The following PET100 variants were observed in gnomAD, a reference collection of about 807,000 sequenced individuals.
PET100 encodes the protein PET100 cytochrome c oxidase chaperone.
PET100 carries 13 observed loss-of-function variants against 13.6 expected under a neutral mutation model. The ratio of observed to expected loss-of-function variants is 0.96; its 90% CI spans 0.62 to 1.52. PET100 has a LOEUF of 1.52. Ranked by LOEUF, PET100 falls within the 40% of genes most tolerant of loss-of-function variation. The pLI is 0.00. For synonymous variants in PET100, 28 were observed against 30.8 expected (o/e 0.91, Z 0.30); for missense variants, 94 against 95.3 (o/e 0.99, Z 0.06).
chr19:7,631,023 A>G, intron 3 of PET100, 177 bp downstream of exon 3: 1 of 832,892 alleles, frequency 1.2e-6, no homozygotes, highest in East Asian at 2.7e-5. Context: ...AGCCTGGCCA[A>G]CATGGCGAAA....
At chr19:7,630,319 CGTCTGTGTGTCT>C in intron 1 of PET100, 2 of 545,948 alleles carry the variant, frequency 3.7e-6, no homozygotes, top group Non-Finnish European at 3.3e-6. Flanking sequence ...GTAGCTGGGG[CGTCTGTGTGTCT>C]GTCTGTGTTT....
chr19:7,630,464 C>G (rs1335006066), intron 1 of PET100, 109 bp from the exon 2 acceptor site: 1 of 855,048 alleles, frequency 1.2e-6, no homozygotes. Context: ...TTGGGTCGGC[C>G]GTAACGAGGC....
At chr19:7,630,009 C>T in intron 1 of PET100, 149 bp downstream of exon 1, 1 of 1,023,922 alleles carries the variant, frequency 9.8e-7, no homozygotes, top group Non-Finnish European at 1.3e-6. Context: ...GGTTGGAAAT[C>T]CAGGAGAGGG....
At chr19:7,630,092 G>C in intron 1 of PET100, 1 of 524,008 alleles carries the variant, frequency 1.9e-6, no homozygotes, top group South Asian at 2.8e-5. Context: ...GTCCGAGGAA[G>C]GACCTCAGAG....
intron 3 of PET100, 167 bp downstream of exon 3, chr19:7,631,013 A>G (rs1446084071): frequency 1.1e-6 from 1 of 910,892 alleles, no homozygotes; most frequent in Non-Finnish European, 1.7e-6. Flanking sequence ...GTTCAAAACC[A>G]GCCTGGCCAA....
At chr19:7,630,537 G>C (rs560064781) in intron 1 of PET100, 36 bp from the exon 2 acceptor site, 14 of 1,481,518 alleles carry the variant, frequency 9.4e-6, no homozygotes, top group East Asian at 4.9e-5. Flanking sequence ...ACATTGCTTG[G>C]GGGGAGCTCA....
rs750662323 is a variant in PET100, at chr19:7,631,662, G to A, written c.*106G>A. The A allele has an allele frequency of 1.5e-5, 22 of 1,467,082 alleles. No individual in the cohort carries two copies. Among genetic ancestry groups the A allele is most frequent in the Admixed American group, 4.5e-5 (2 of 44,544 alleles). The allele number at this position is 1,467,082 out of a possible 1,614,324, so 90.9% of individuals were successfully genotyped here. A position where few individuals can be genotyped will look rare whatever the true frequency, so the allele number is the denominator to read the frequency against. ...ATTCTTTTATCAGTTTTTGGGGGCC[G>A]AGTGAGACCCAGGATGCCTCAGGCC... is the stretch of plus-strand genomic sequence containing the variant. On this transcript the variant is annotated 3_prime_UTR_variant, in exon 4 of 4. Coordinates refer to ENST00000594797, the MANE Select transcript of PET100 (RefSeq NM_001171155.2).
At chr19:7,631,391 G>T in intron 3 of PET100, 82 bp from the exon 4 acceptor site, 1 of 1,277,244 alleles carries the variant, frequency 7.8e-7, no homozygotes, top group Non-Finnish European at 1.1e-6. Flanking sequence ...GGTGGTGGGA[G>T]AGGTGGGCGG....
rs960350860 is a variant in PET100, at chr19:7,631,936, A to G, written c.*380A>G. ...TCATTGTGAGCACTGGTCTATGTTTACCCTCAATATCTGCCATTTAGGGTG... is the reference window on the plus strand; with the variant it reads ...TCATTGTGAGCACTGGTCTATGTTTGCCCTCAATATCTGCCATTTAGGGTG... On this transcript the variant is annotated 3_prime_UTR_variant, in exon 4 of 4. Transcript: ENST00000594797. The G allele has an allele frequency of 1.0e-6, 1 of 967,684 alleles. No homozygotes were observed. The highest frequency in any genetic ancestry group is 1.4e-6 in the Non-Finnish European group (1 of 714,116). 59.9% of individuals were successfully genotyped at this position (967,684 alleles called of 1,614,324 possible).
In PET100 at chr19:7,630,649, T is replaced by C; in HGVS notation, c.104T>C (p.Ile35Thr). 6.5e-7 allele frequency: 1 copy of C among 1,537,154 alleles called. No homozygotes were observed. ...GCCGAGTGGTTTGAGGACGATGTCA[T>C]ACAGCGCAAGGTGGGCATAAGAGGA... Reference protein sequence around the residue: ...NQAEWFEDDVIQRKRELWPPE... With the variant: ...NQAEWFEDDVTQRKRELWPPE... Residue 35 changes from isoleucine to threonine, a missense_variant, in exon 2 of 4, where the codon ATA becomes ACA. By Grantham distance (89) the Ile-to-Thr change is moderately conservative. Coordinates refer to ENST00000594797, the MANE Select transcript of PET100 (RefSeq NM_001171155.2).
At chr19:7,630,691 T>G in intron 2 of PET100, 32 bp downstream of exon 2, 2 of 1,533,650 alleles carry the variant, frequency 1.3e-6, no homozygotes, top group Non-Finnish European at 1.7e-6. Context: ...GAGGGTTCAT[T>G]CCAGGGGTGG....
In PET100 at chr19:7,629,801, G is replaced by T; in HGVS notation, c.-33G>T. On this transcript the variant is annotated 5_prime_UTR_variant, in exon 1 of 4. Transcript: ENST00000594797. ...TGTCTTGCTGGAGGGTCGGCTTTGG[G>T]CGGAACTGGCTTTGTTGACCGGGAG... 1 of 1,537,098 alleles carries T rather than the reference G, an allele frequency of 6.5e-7. No individual in the cohort carries two copies. Among genetic ancestry groups the T allele is most frequent in the East Asian group, 2.4e-5 (1 of 40,914 alleles).
At chr19:7,630,234 C>T in intron 1 of PET100, 1 of 450,138 alleles carries the variant, frequency 2.2e-6, no homozygotes, top group Non-Finnish European at 4.0e-6. Context: ...AAGAGTGACG[C>T]CTCCTGGGTT....
intron 1 of PET100, chr19:7,630,350 G>T (rs1345386407): frequency 3.5e-6 from 2 of 577,464 alleles, no homozygotes; most frequent in Admixed American, 6.1e-5. Context: ...TTGAGAGGAA[G>T]ACTCCAGCTC....
chr19:7,630,828 G>C lies in PET100; in HGVS notation c.120G>C (p.Glu40Asp). 2 of 1,537,272 alleles carry C rather than the reference G, an allele frequency of 1.3e-6. No homozygotes were observed. Among genetic ancestry groups the C allele is most frequent in the Non-Finnish European group, 8.7e-7 (1 of 1,146,922 alleles). The change falls in exon 3 of 4, where the codon GAG (glutamate) becomes GAC (aspartate). Residue 40 changes from glutamate (E) to aspartate (D), a missense_variant. Transcript: ENST00000594797. ...FEDDVIQRKRELWPPEKLQEI... is the reference protein window; with the variant it reads ...FEDDVIQRKRDLWPPEKLQEI... The stretch of plus-strand genomic sequence containing the variant: ...TTTGTGACTTTTCCTTACAGAGGGA[G>C]CTGTGGCCACCTGAGAAGGTAAGTG...
chr19:7,631,791 T>C lies in PET100; in HGVS notation c.*235T>C. 7.0e-7 allele frequency: 1 copy of C among 1,421,954 alleles called. No homozygotes were observed. Among genetic ancestry groups the C allele is most frequent in the Non-Finnish European group, 9.2e-7 (1 of 1,083,850 alleles). 88.1% of individuals were successfully genotyped at this position (1,421,954 alleles called of 1,614,324 possible). A position where few individuals can be genotyped will look rare whatever the true frequency, so the allele number is the denominator to read the frequency against. Reference sequence around the variant, plus strand: ...GGGGTTGGGGACTGAGGGTCCCAGCTCGTTTCTGTGCTCCGTCCTGTGGAT... The same window carrying C: ...GGGGTTGGGGACTGAGGGTCCCAGCCCGTTTCTGTGCTCCGTCCTGTGGAT... On this transcript the variant is annotated 3_prime_UTR_variant, in exon 4 of 4. Transcript: ENST00000594797.
In PET100 at chr19:7,630,641, C is replaced by T. The variant is rs1017604641; in HGVS notation, c.96C>T (p.Asp32=). Residue 32 remains aspartate, a synonymous_variant, in exon 2 of 4, where the codon GAC becomes GAT. Transcript: ENST00000594797. ...WVSNQAEWFE[D]DVIQRKRELW... Reference sequence around the variant, plus strand: ...CCAATCAGGCCGAGTGGTTTGAGGACGATGTCATACAGCGCAAGGTGGGCA... The same window carrying T: ...CCAATCAGGCCGAGTGGTTTGAGGATGATGTCATACAGCGCAAGGTGGGCA... The T allele has an allele frequency of 5.9e-6, 9 of 1,537,032 alleles. No individual in the cohort carries two copies. Among genetic ancestry groups the T allele is most frequent in the Non-Finnish European group, 7.8e-6 (9 of 1,146,800 alleles).
intron 3 of PET100, chr19:7,631,250 G>GAAA: frequency 7.1e-7 from 1 of 1,415,188 alleles, no homozygotes; most frequent in Non-Finnish European, 9.2e-7. Context: ...AAGGAACCGA[G>GAAA]AGCAGAGGAG....
intron 1 of PET100, 176 bp downstream of exon 1, chr19:7,630,036 G>A (rs1169160585): frequency 1.1e-5 from 9 of 801,868 alleles, no homozygotes; most frequent in Non-Finnish European, 1.7e-5. Context: ...GGGCTGGGGG[G>A]GTTCTCGGAT....
Sources: allele counts gnomAD v4.1 joint callset, GRCh38; gene constraint gnomAD v4.1.1; transcripts MANE v1.5; gene names NCBI Gene and HGNC (gene_info 2026-07-23, HGNC 2026-07-21).